TAFA5: variants seen among roughly 807,000 people sequenced by gnomAD.
TAFA5 encodes the protein chemokine-like protein TAFA-5.
Under a neutral mutation model 15.3 loss-of-function variants are expected in TAFA5, and 6 were observed. That is an observed-to-expected ratio of 0.39 (90% CI 0.21 to 0.77). The LOEUF (loss-of-function observed/expected upper bound fraction) is 0.77. TAFA5 is among the 30% of genes least tolerant of loss of function. The pLI, the probability that TAFA5 is intolerant of heterozygous loss-of-function variation, is 0.41. For synonymous variants in TAFA5, 103 were observed against 80.7 expected (o/e 1.28, Z -1.48); for missense variants, 161 against 193.1 (o/e 0.83, Z 0.98).
chr22:48,722,632 C>T (rs1367032452), intron 3 of TAFA5, among the ~76,000 whole-genome samples: 5 of 152,106 alleles, frequency 3.3e-5, no homozygotes, highest in African/African-American at 1.2e-4. Context: ...TGCAGCAAAC[C>T]ACCACGGCAC....
chr22:48,547,723 G>T (rs895172027), intron 1 of TAFA5, among the ~76,000 whole-genome samples: 6 of 152,196 alleles, frequency 3.9e-5, no homozygotes, highest in Admixed American at 3.9e-4. Flanking sequence ...AGCCTTGGGA[G>T]CGTGTTAGGA....
At chr22:48,573,397 T>G (rs77682213) in intron 1 of TAFA5, among the ~76,000 whole-genome samples, 1 of 152,220 alleles carries the variant, frequency 6.6e-6, no homozygotes, top group South Asian at 2.1e-4. Context: ...TTTCCTGTCA[T>G]GTCAATGAGA....
chr22:48,623,527 T>G (rs933764518), intron 1 of TAFA5, among the ~76,000 whole-genome samples: 1 of 152,172 alleles, frequency 6.6e-6, no homozygotes, highest in Non-Finnish European at 1.5e-5. Context: ...TGAGCAGGTG[T>G]CTTGGCCAGG....
rs143601805 is a variant in TAFA5 at position 48,747,637 on chromosome 22, C to T, written c.391-2202C>T. On this transcript the variant is annotated intron_variant, in intron 3 of 3. Coordinates refer to ENST00000402357, the MANE Select transcript of TAFA5 (RefSeq NM_001082967.3). ...TCTGGCCAGGCACAGTGGCTCATGCCTGTAATCCCAGCACTTTGAGAGGCC... is the reference window on the plus strand; with the variant it reads ...TCTGGCCAGGCACAGTGGCTCATGCTTGTAATCCCAGCACTTTGAGAGGCC... Among the ~76,000 whole-genome samples, 559 of 152,296 alleles carry T rather than the reference C, an allele frequency of 3.7e-3. 1 individual carries two copies. The highest frequency in any genetic ancestry group is 0.013 in the African/African-American group (538 of 41,556).
intron 1 of TAFA5, chr22:48,544,995 G>C: frequency 2.4e-6 from 1 of 419,126 alleles, no homozygotes; most frequent in Non-Finnish European, 5.0e-6. Flanking sequence ...CTCCTTTGCT[G>C]CGTGGTGGGA....
chr22:48,535,732 C>T (rs777982915), intron 1 of TAFA5, among the ~76,000 whole-genome samples: 23 of 150,470 alleles, frequency 1.5e-4, no homozygotes, highest in South Asian at 2.1e-4. Flanking sequence ...ACAGTCACAC[C>T]GGCACATCAC....
In TAFA5 at chr22:48,720,826, G is replaced by C. The variant is rs546900149; in HGVS notation, c.390+12982G>C. Among the ~76,000 whole-genome samples the C allele has an allele frequency of 2.2e-4, 34 of 152,310 alleles. 1 individual carries two copies. The highest frequency in any genetic ancestry group is 5.2e-4 in the Admixed American group (8 of 15,310). On this transcript the variant is annotated intron_variant, in intron 3 of 3. Coordinates refer to ENST00000402357, the MANE Select transcript of TAFA5 (RefSeq NM_001082967.3). Reference sequence around the variant, plus strand: ...TCCAGGGCCTGGCTGTGGTCTAGAGGAACTCTGCTCACAGTGCAGACCACG... The same window carrying C: ...TCCAGGGCCTGGCTGTGGTCTAGAGCAACTCTGCTCACAGTGCAGACCACG...
chr22:48,706,262 C>T (rs5771980), intron 2 of TAFA5, among the ~76,000 whole-genome samples: 87,760 of 151,816 alleles, frequency 0.58, 25,551 homozygotes, highest in Middle Eastern at 0.66. Context: ...GGGCTTCATG[C>T]GTGCATTGCC....
chr22:48,698,278 C>G lies in TAFA5; in HGVS notation c.263-9439C>G, dbSNP rs535275174. Among the ~76,000 whole-genome samples the G allele has an allele frequency of 2.0e-5, 3 of 151,880 alleles. No individual in the cohort carries two copies. In the East Asian group the frequency reaches 5.8e-4, roughly 29 times the overall value. ...ATCACCTGAGGTCAGGAGTTCGAGACCAGCCTGGCCAACATGGTGAAACCC... is the reference window on the plus strand; with the variant it reads ...ATCACCTGAGGTCAGGAGTTCGAGAGCAGCCTGGCCAACATGGTGAAACCC... On this transcript the variant is annotated intron_variant, in intron 2 of 3. Transcript: ENST00000402357.
intron 3 of TAFA5, among the ~76,000 whole-genome samples, chr22:48,745,804 CT>C (rs1601713360): frequency 6.6e-6 from 1 of 152,190 alleles, no homozygotes; most frequent in East Asian, 1.9e-4. Context: ...TCTTCTGCCC[CT>C]GGTCCCACAG....
At chr22:48,608,130 GA>G (rs1925266984) in intron 1 of TAFA5, among the ~76,000 whole-genome samples, 1 of 151,944 alleles carries the variant, frequency 6.6e-6, no homozygotes, top group Non-Finnish European at 1.5e-5. Flanking sequence ...CGGGCTGCCA[GA>G]CCCCTGCTTC....
intron 1 of TAFA5, among the ~76,000 whole-genome samples, chr22:48,623,159 C>T (rs1300983971): frequency 1.3e-5 from 2 of 152,230 alleles, no homozygotes; most frequent in African/African-American, 2.4e-5. Context: ...GATGCCCTGA[C>T]GGCGGTGGGA....
At chr22:48,578,864 G>C (rs894768297) in intron 1 of TAFA5, among the ~76,000 whole-genome samples, 4 of 152,198 alleles carry the variant, frequency 2.6e-5, no homozygotes, top group East Asian at 1.9e-4. Flanking sequence ...TGCAGGGAGG[G>C]GGGTGGCCGA....
chr22:48,569,241 G>A (rs1166222859), intron 1 of TAFA5, among the ~76,000 whole-genome samples: 1 of 152,342 alleles, frequency 6.6e-6, no homozygotes, highest in East Asian at 1.9e-4. Flanking sequence ...CAGGGCCACG[G>A]GCCGTGGATA....
intron 1 of TAFA5, among the ~76,000 whole-genome samples, chr22:48,640,265 G>C (rs1302319401): frequency 6.6e-6 from 1 of 152,170 alleles, no homozygotes; most frequent in Non-Finnish European, 1.5e-5. Flanking sequence ...CTGCTGGAGG[G>C]TGGAGGGTCC....
intron 2 of TAFA5, among the ~76,000 whole-genome samples, chr22:48,700,424 C>T (rs1216016364): frequency 1.3e-5 from 2 of 152,156 alleles, no homozygotes; most frequent in African/African-American, 4.8e-5. Flanking sequence ...CGGGGCAGAG[C>T]AGGCCGGCAG....
intron 2 of TAFA5, among the ~76,000 whole-genome samples, chr22:48,647,327 T>C (rs1230089749): frequency 6.6e-6 from 1 of 152,068 alleles, no homozygotes; most frequent in Non-Finnish European, 1.5e-5. Flanking sequence ...GGCTGAGGGA[T>C]GATAGTGTTG....
chr22:48,726,184 T>A (rs1246115136), intron 3 of TAFA5, among the ~76,000 whole-genome samples: 1 of 152,262 alleles, frequency 6.6e-6, no homozygotes, highest in Non-Finnish European at 1.5e-5. Flanking sequence ...TGTTCTCATT[T>A]CTATTTGTTT....
At chr22:48,721,075 G>C (rs1929555311) in intron 3 of TAFA5, among the ~76,000 whole-genome samples, 1 of 152,224 alleles carries the variant, frequency 6.6e-6, no homozygotes, top group Non-Finnish European at 1.5e-5. Context: ...CCACTGTGTG[G>C]TTGCCCAAGC....
Sources: allele counts gnomAD v4.1 joint callset (sites outside exome capture counted in the v4.1 genomes callset), GRCh38; gene constraint gnomAD v4.1.1; transcripts MANE v1.5; gene names NCBI Gene and HGNC (gene_info 2026-07-23, HGNC 2026-07-21).